Variants in MGA observed in about 807,000 individuals in gnomAD.
The protein encoded by MGA is MAX gene-associated protein.
Under a neutral mutation model 261.1 loss-of-function variants are expected in MGA, and 40 were observed. The ratio of observed to expected loss-of-function variants is 0.15; its 90% CI spans 0.12 to 0.20. The LOEUF (loss-of-function observed/expected upper bound fraction) is 0.20. MGA is among the 10% of genes least tolerant of loss of function. The pLI, the probability that MGA is intolerant of heterozygous loss-of-function variation, is 1.00. For synonymous variants in MGA, 1,302 were observed against 1,290.6 expected (o/e 1.01, Z -0.19); for missense variants, 3,397 against 3,630.5 (o/e 0.94, Z 1.65).
At chr15:41,688,082 CTA>C (rs774590944) in intron 2 of MGA, among the ~76,000 whole-genome samples, 10 of 151,984 alleles carry the variant, frequency 6.6e-5, no homozygotes, top group Non-Finnish European at 1.5e-4. Context: ...TCTGATAAAA[CTA>C]TTTTATTTTG....
At chr15:41,745,436 A>G (rs540189755) in intron 15 of MGA, among the ~76,000 whole-genome samples, 1 of 151,628 alleles carries the variant, frequency 6.6e-6, no homozygotes, top group Non-Finnish European at 1.5e-5. Context: ...TTCTGAGCAC[A>G]TGGCTTTGCT....
At chr15:41,739,131 A>C (rs911358922) in intron 13 of MGA, among the ~76,000 whole-genome samples, 1 of 152,076 alleles carries the variant, frequency 6.6e-6, no homozygotes, top group Non-Finnish European at 1.5e-5. Flanking sequence ...CTTTCTTTAA[A>C]AAAAAAAGAA....
At chr15:41,710,637 A>C in intron 7 of MGA, 54 bp from the exon 8 acceptor site, 1 of 1,470,616 alleles carries the variant, frequency 6.8e-7, no homozygotes, top group Non-Finnish European at 9.1e-7. Flanking sequence ...TTTTATGGAG[A>C]TTCATAAATC....
intron 2 of MGA, among the ~76,000 whole-genome samples, chr15:41,672,924 A>G (rs957084343): frequency 6.6e-6 from 1 of 152,152 alleles, no homozygotes; most frequent in Non-Finnish European, 1.5e-5. Flanking sequence ...TTACTGATAT[A>G]TGATTGCTCT....
At chr15:41,686,352 C>T (rs1305721225) in intron 2 of MGA, among the ~76,000 whole-genome samples, 3 of 151,960 alleles carry the variant, frequency 2.0e-5, no homozygotes, top group Non-Finnish European at 4.4e-5. Flanking sequence ...CCCAGCTCAC[C>T]CCCATCTCTA....
chr15:41,676,994 G>A (rs769397913), intron 2 of MGA, among the ~76,000 whole-genome samples: 1 of 152,010 alleles, frequency 6.6e-6, no homozygotes, highest in Admixed American at 6.6e-5. Flanking sequence ...TATGACTTAC[G>A]GGGATTATGT....
At chr15:41,716,207 G>C (rs1370088793) in intron 9 of MGA, among the ~76,000 whole-genome samples, 1 of 151,936 alleles carries the variant, frequency 6.6e-6, no homozygotes, top group African/African-American at 2.4e-5. Flanking sequence ...CAGCACTTTG[G>C]ACGGCTGAGG....
rs2151501668 is a variant in MGA at position 41,713,344 on chromosome 15, G to T, written c.3278G>T (p.Gly1093Val). 1 of 1,613,910 alleles carries T rather than the reference G, an allele frequency of 6.2e-7. No homozygotes were observed. The highest frequency in any genetic ancestry group is 2.2e-5 in the East Asian group (1 of 44,890). ...AGAAAAGTTGTACTTGTTAAAGGAG[G>T]ATCCAAAACTAAGCATTTTCAGAGG... Residue 1093 changes from glycine to valine, a missense_variant, in exon 9 of 24, where the codon GGA becomes GTA. Gly to Val is a moderately radical substitution (Grantham distance 109). Coordinates refer to ENST00000219905, the MANE Select transcript of MGA (RefSeq NM_001164273.2).
intron 1 of MGA, among the ~76,000 whole-genome samples, chr15:41,624,679 A>G (rs2056402327): frequency 6.6e-6 from 1 of 152,176 alleles, no homozygotes. Flanking sequence ...CATGTTGGCC[A>G]GGCTGGTCTG....
chr15:41,745,778 T>TC (rs1404014055), intron 15 of MGA, among the ~76,000 whole-genome samples: 1 of 151,930 alleles, frequency 6.6e-6, no homozygotes, highest in East Asian at 1.9e-4. Flanking sequence ...TTAATTTTTT[T>TC]GATTTTCAGT....
intron 1 of MGA, among the ~76,000 whole-genome samples, chr15:41,634,416 A>C (rs2056656900): frequency 6.6e-6 from 1 of 152,142 alleles, no homozygotes; most frequent in Non-Finnish European, 1.5e-5. Flanking sequence ...ATGACTCTTA[A>C]TCTTCCTGCT....
chr15:41,706,419 CT>C (rs750244276), intron 5 of MGA, among the ~76,000 whole-genome samples: 9 of 150,770 alleles, frequency 6.0e-5, no homozygotes, highest in Non-Finnish European at 8.8e-5. Context: ...GGCTTGCCAT[CT>C]TTTGTTCAGA....
At chr15:41,753,282 G>T (rs1314316322) in intron 17 of MGA, among the ~76,000 whole-genome samples, 1 of 151,878 alleles carries the variant, frequency 6.6e-6, no homozygotes, top group Non-Finnish European at 1.5e-5. Flanking sequence ...TGGTGGCACA[G>T]TCCTAGAGTC....
In MGA at chr15:41,766,506, A is replaced by C; in HGVS notation, c.8424A>C (p.Glu2808Asp). Residue 2808 changes from glutamate to aspartate, a missense_variant, in exon 24 of 24, where the codon GAA (glutamate) becomes GAC (aspartate). By Grantham distance (45) the Glu-to-Asp change is conservative. This residue lies in a region of MGA where 647 missense variants were observed against 642.4 expected (regional missense o/e 1.01). Transcript: ENST00000219905. The stretch of plus-strand genomic sequence containing the variant: ...AGGAAGCAGCTCTTGATTCCAGTGA[A>C]CTGCTGACTAACATGGAAGATGAGG... 6.2e-7 allele frequency: 1 copy of C among 1,613,972 alleles called. No homozygotes were observed. Among genetic ancestry groups the C allele is most frequent in the South Asian group, 1.1e-5 (1 of 91,080 alleles).
At chr15:41,726,149 A>G (rs924291684) in intron 9 of MGA, among the ~76,000 whole-genome samples, 1 of 152,082 alleles carries the variant, frequency 6.6e-6, no homozygotes, top group Non-Finnish European at 1.5e-5. Context: ...TTTTGATTAC[A>G]ATTTGTTATT....
intron 13 of MGA, among the ~76,000 whole-genome samples, chr15:41,739,442 A>G (rs940230963): frequency 6.6e-6 from 1 of 152,202 alleles, no homozygotes; most frequent in Non-Finnish European, 1.5e-5. Context: ...GATTTCACTT[A>G]TATTTTTCAA....
chr15:41,720,908 A>C (rs991866405), intron 9 of MGA, among the ~76,000 whole-genome samples: 3 of 152,130 alleles, frequency 2.0e-5, no homozygotes, highest in African/African-American at 7.2e-5. Context: ...CGAAGAAATA[A>C]AGAAAGAATG....
At chr15:41,626,644 A>G (rs2056462155) in intron 1 of MGA, among the ~76,000 whole-genome samples, 1 of 152,030 alleles carries the variant, frequency 6.6e-6, no homozygotes, top group Admixed American at 6.6e-5. Flanking sequence ...GCTGGTCTTG[A>G]ACTCCCGACC....
At chr15:41,720,774 A>G (rs2060896903) in intron 9 of MGA, among the ~76,000 whole-genome samples, 1 of 152,216 alleles carries the variant, frequency 6.6e-6, no homozygotes, top group Admixed American at 6.5e-5. Flanking sequence ...CTGAGGTTGC[A>G]GTGAGCCGAG....
Sources: gnomAD v4.1 joint callset for allele counts (sites outside exome capture counted in the v4.1 genomes callset) on GRCh38, gnomAD v4.1.1 for gene constraint, gnomAD v4.1.1 regional missense constraint, MANE v1.5 for transcripts, NCBI Gene and HGNC (gene_info 2026-07-23, HGNC 2026-07-21) for gene names.